TTC28: variants seen among roughly 807,000 people sequenced by gnomAD.
TTC28 encodes tetratricopeptide repeat domain 28, also known as tetratricopeptide repeat protein 28.
A neutral mutation model predicts 198.0 loss-of-function variants in TTC28; 61 were observed. That is an observed-to-expected ratio of 0.31 (90% CI 0.25 to 0.38). TTC28 has a LOEUF of 0.38. Among genes scored for constraint, TTC28 ranks in the 10% least tolerant of loss-of-function variants. The pLI is 1.00. For missense variants in TTC28, 2,678 were observed against 3,164.0 expected, an observed-to-expected ratio of 0.85 and a Z score of 3.69; for synonymous variants, 1,171 against 1,297.8, an observed-to-expected ratio of 0.90 and a Z score of 2.10.
intron 1 of TTC28, among the ~76,000 whole-genome samples, chr22:28,634,886 C>G (rs1426394988): frequency 6.6e-6 from 1 of 152,052 alleles, no homozygotes; most frequent in East Asian, 1.9e-4. Context: ...CACCCGGCCC[C>G]AAGTCCTTTT....
chr22:28,259,490 G>C (rs1357881296), intron 5 of TTC28, among the ~76,000 whole-genome samples: 1 of 151,892 alleles, frequency 6.6e-6, no homozygotes, highest in Non-Finnish European at 1.5e-5. Flanking sequence ...ACTGATGTTA[G>C]CCCAGAAATG....
In TTC28 at chr22:28,029,014, CT is replaced by C. The variant is rs1450987397; in HGVS notation, c.4073+1211del. Reference sequence around the variant, plus strand: ...AGTTTATCACCACAGCCTGCATCACCTGGTGGAGGTAAGTGTCACCTGCCTT... The same window carrying C: ...AGTTTATCACCACAGCCTGCATCACCGGTGGAGGTAAGTGTCACCTGCCTT... On this transcript the variant is annotated intron_variant, in intron 13 of 22. Transcript: ENST00000397906. 5 of 471,090 alleles carry C rather than the reference CT, an allele frequency of 1.1e-5. No individual in the cohort carries two copies. In the Admixed American group the frequency reaches 1.2e-4, roughly 11 times the overall value. The allele number at this position is 471,090 out of a possible 1,614,324, so 29.2% of individuals were successfully genotyped here.
At chr22:28,252,685 C>T (rs1411167013) in intron 5 of TTC28, among the ~76,000 whole-genome samples, 2 of 152,126 alleles carry the variant, frequency 1.3e-5, no homozygotes, top group Non-Finnish European at 2.9e-5. Flanking sequence ...CACAAAAGAC[C>T]TGGCACCATC....
At chr22:28,498,548 C>T (rs1244660799) in intron 2 of TTC28, among the ~76,000 whole-genome samples, 4 of 152,140 alleles carry the variant, frequency 2.6e-5, no homozygotes, top group Admixed American at 1.3e-4. Flanking sequence ...ATCCAGGTTT[C>T]ACTTGAAATG....
chr22:28,169,848 A>G (rs1041800849), intron 5 of TTC28, among the ~76,000 whole-genome samples: 6 of 151,850 alleles, frequency 4.0e-5, no homozygotes, highest in African/African-American at 1.2e-4. Context: ...AAATAAAATA[A>G]AGAACCTGAT....
chr22:28,269,533 A>G (rs960897858), intron 5 of TTC28, among the ~76,000 whole-genome samples: 1 of 152,216 alleles, frequency 6.6e-6, no homozygotes, highest in Non-Finnish European at 1.5e-5. Context: ...TGACTTCTAT[A>G]ACACAATGTT....
chr22:27,988,350 C>T (rs976433481), intron 21 of TTC28, among the ~76,000 whole-genome samples: 2 of 148,086 alleles, frequency 1.4e-5, no homozygotes, highest in African/African-American at 2.5e-5. Flanking sequence ...TACAGTGGCG[C>T]GATCTCGGCT....
chr22:28,093,567 C>T (rs1001336854), intron 12 of TTC28, among the ~76,000 whole-genome samples: 2 of 152,108 alleles, frequency 1.3e-5, no homozygotes, highest in Non-Finnish European at 2.9e-5. Context: ...AAGCTTATAC[C>T]TTTTACAACC....
intron 6 of TTC28, among the ~76,000 whole-genome samples, chr22:28,148,812 A>G (rs1943539073): frequency 6.6e-6 from 1 of 152,154 alleles, no homozygotes; most frequent in Non-Finnish European, 1.5e-5. Flanking sequence ...TGGGGTCAGA[A>G]GCAGCAGGAA....
intron 5 of TTC28, among the ~76,000 whole-genome samples, chr22:28,289,963 G>A (rs1449777681): frequency 1.3e-5 from 2 of 152,112 alleles, no homozygotes; most frequent in African/African-American, 4.8e-5. Context: ...GACAGAGGTT[G>A]CAGTGAGCCG....
chr22:27,999,553 G>A (rs1055249279), intron 15 of TTC28: 2 of 389,182 alleles, frequency 5.1e-6, no homozygotes, highest in East Asian at 4.8e-5. Flanking sequence ...GACAGAGGCC[G>A]TGGAACCCAG....
intron 12 of TTC28, among the ~76,000 whole-genome samples, chr22:28,035,209 C>T (rs1939291108): frequency 6.6e-6 from 1 of 152,114 alleles, no homozygotes; most frequent in South Asian, 2.1e-4. Flanking sequence ...GCTTCTTGTG[C>T]ACTGATAACC....
At chr22:28,545,088 A>C (rs943899920) in intron 2 of TTC28, among the ~76,000 whole-genome samples, 2 of 152,122 alleles carry the variant, frequency 1.3e-5, no homozygotes, top group Non-Finnish European at 2.9e-5. Flanking sequence ...AAATCGAAGA[A>C]CCCTCTCTTG....
chr22:28,271,120 T>G (rs1932040972), intron 5 of TTC28, among the ~76,000 whole-genome samples: 1 of 152,102 alleles, frequency 6.6e-6, no homozygotes, highest in African/African-American at 2.4e-5. Context: ...CAGTATTTTT[T>G]TTTTTTTTTA....
chr22:28,112,375 C>T (rs963884580), intron 6 of TTC28, among the ~76,000 whole-genome samples: 3 of 152,146 alleles, frequency 2.0e-5, no homozygotes, highest in African/African-American at 7.2e-5. Flanking sequence ...AAAGAAACTG[C>T]CTGCTGGTTA....
chr22:28,022,665 C>T (rs1242985676), intron 13 of TTC28, among the ~76,000 whole-genome samples: 1 of 152,250 alleles, frequency 6.6e-6, no homozygotes, highest in Admixed American at 6.5e-5. Flanking sequence ...TCAACTGAGC[C>T]CTAACCAGGA....
intron 2 of TTC28, among the ~76,000 whole-genome samples, chr22:28,504,100 A>G (rs866570085): frequency 2.6e-5 from 4 of 152,304 alleles, no homozygotes; most frequent in South Asian, 4.1e-4. Flanking sequence ...AACAACATAC[A>G]TTTCTTTTCC....
intron 12 of TTC28, among the ~76,000 whole-genome samples, chr22:28,059,399 G>A (rs1940420361): frequency 6.6e-6 from 1 of 151,992 alleles, no homozygotes; most frequent in Non-Finnish European, 1.5e-5. Context: ...GTCAGAACAT[G>A]TACCCTATAG....
At chr22:27,999,445 A>G (rs1436614778) in intron 15 of TTC28, 185 bp from the exon 16 acceptor site, 1 of 872,874 alleles carries the variant, frequency 1.1e-6, no homozygotes, top group Non-Finnish European at 1.7e-6. Context: ...TAACTTACTG[A>G]GAATCATGCC....
Sources: allele counts gnomAD v4.1 joint callset (sites outside exome capture counted in the v4.1 genomes callset), GRCh38; gene constraint gnomAD v4.1.1; transcripts MANE v1.5; gene names NCBI Gene and HGNC (gene_info 2026-07-23, HGNC 2026-07-21).